Variants in TAFA4 observed in about 807,000 individuals in gnomAD.
The protein encoded by TAFA4 is TAFA chemokine like family member 4.
Under a neutral mutation model 21.1 loss-of-function variants are expected in TAFA4, and 20 were observed. That is an observed-to-expected ratio of 0.95 (90% CI 0.67 to 1.38). The LOEUF (loss-of-function observed/expected upper bound fraction) is 1.38. Among genes scored for constraint, TAFA4 ranks in the 40% most tolerant of loss-of-function variants. The pLI, the probability that TAFA4 is intolerant of heterozygous loss-of-function variation, is 0.00. For missense variants in TAFA4, 211 were observed against 180.9 expected (o/e 1.17, Z -0.95); for synonymous variants, 71 against 67.4 (o/e 1.05, Z -0.26).
chr3:68,752,909 C>T lies in TAFA4; in HGVS notation c.240G>A (p.Pro80=), dbSNP rs770818329. The change falls in exon 4 of 6, where the codon CCG becomes CCA. Residue 80 remains proline, a synonymous_variant. Coordinates refer to ENST00000295569, the MANE Select transcript of TAFA4 (RefSeq NM_182522.5). ...RSQTVKCSCF[P]GQVAGTTRAQ... ...CCCGAGTTGTGCCCGCCACCTGTCC[C>T]GGGAAGCAAGAGCACTTGACCGTTT... 1.4e-5 allele frequency: 23 copies of T among 1,614,054 alleles called. No homozygotes were observed. The highest frequency in any genetic ancestry group is 9.9e-5 in the South Asian group (9 of 91,066).
intron 3 of TAFA4, among the ~76,000 whole-genome samples, chr3:68,844,484 A>C (rs772141484): frequency 6.6e-6 from 1 of 150,784 alleles, no homozygotes; most frequent in South Asian, 2.1e-4. Flanking sequence ...TGGATTCACT[A>C]CTTTTTTGAA....
chr3:68,927,845 C>G (rs1257325678), intron 1 of TAFA4, among the ~76,000 whole-genome samples: 2 of 151,624 alleles, frequency 1.3e-5, no homozygotes, highest in Non-Finnish European at 2.9e-5. Flanking sequence ...TTGCAGAGAG[C>G]TGTGATCATA....
At chr3:68,773,103 C>G (rs1044854953) in intron 3 of TAFA4, among the ~76,000 whole-genome samples, 1 of 152,072 alleles carries the variant, frequency 6.6e-6, no homozygotes, top group Non-Finnish European at 1.5e-5. Flanking sequence ...TATAAGCAGC[C>G]GGAATTATGC....
intron 4 of TAFA4, among the ~76,000 whole-genome samples, chr3:68,744,530 C>A (rs769023961): frequency 1.1e-4 from 16 of 152,092 alleles, no homozygotes; most frequent in African/African-American, 1.4e-4. Context: ...GAATAAATTC[C>A]CTGCAGAGAA....
intron 3 of TAFA4, among the ~76,000 whole-genome samples, chr3:68,757,670 C>T (rs1702683062): frequency 1.3e-5 from 2 of 152,166 alleles, no homozygotes; most frequent in Non-Finnish European, 2.9e-5. Context: ...TAGAACTGGG[C>T]CACAGTGCCC....
intron 3 of TAFA4, among the ~76,000 whole-genome samples, chr3:68,794,863 G>T (rs151268400): frequency 6.6e-6 from 1 of 151,466 alleles, no homozygotes; most frequent in Non-Finnish European, 1.5e-5. Context: ...CATAGGAATT[G>T]CTCCCAACAA....
chr3:68,758,899 GAA>G (rs1305181607), intron 3 of TAFA4, among the ~76,000 whole-genome samples: 14 of 152,176 alleles, frequency 9.2e-5, no homozygotes, highest in African/African-American at 2.4e-5. Context: ...GAGAAAAAGA[GAA>G]GTATTTTAAG....
intron 2 of TAFA4, among the ~76,000 whole-genome samples, chr3:68,883,920 A>AGACC (rs2089644633): frequency 6.6e-6 from 1 of 152,078 alleles, no homozygotes; most frequent in South Asian, 2.1e-4. Context: ...GCAAAGAGTG[A>AGACC]GACCCTGTCT....
intron 1 of TAFA4, among the ~76,000 whole-genome samples, chr3:68,893,830 G>A (rs2089757214): frequency 6.6e-6 from 1 of 152,134 alleles, no homozygotes; most frequent in South Asian, 2.1e-4. Flanking sequence ...TGACAATGGT[G>A]CCCTCCTGTG....
chr3:68,911,026 G>A (rs1310173524), intron 1 of TAFA4, among the ~76,000 whole-genome samples: 1 of 152,188 alleles, frequency 6.6e-6, no homozygotes, highest in African/African-American at 2.4e-5. Flanking sequence ...TTCTCCAAAA[G>A]AGGGTCAAAC....
chr3:68,743,787 G>T (rs1284484494), intron 4 of TAFA4, among the ~76,000 whole-genome samples: 1 of 152,084 alleles, frequency 6.6e-6, no homozygotes, highest in Admixed American at 6.6e-5. Context: ...GTTAGTAAAG[G>T]GGTGGAGGGT....
intron 1 of TAFA4, among the ~76,000 whole-genome samples, chr3:68,905,864 G>A (rs2089895421): frequency 6.6e-6 from 1 of 152,192 alleles, no homozygotes; most frequent in South Asian, 2.1e-4. Flanking sequence ...CTCTCCTGGA[G>A]CAGGCTTCCA....
At chr3:68,900,564 C>A (rs2089835841) in intron 1 of TAFA4, among the ~76,000 whole-genome samples, 1 of 151,908 alleles carries the variant, frequency 6.6e-6, no homozygotes, top group East Asian at 1.9e-4. Context: ...AGCTAAAATC[C>A]CAAATTTTAG....
Position 68,732,889 on chromosome 3 carries a change from A to G in TAFA4, c.*253T>C. 2.0e-6 allele frequency: 1 copy of G among 491,712 alleles called. No homozygotes were observed. Among genetic ancestry groups the G allele is most frequent in the Non-Finnish European group, 3.6e-6 (1 of 276,700 alleles). The allele number at this position is 491,712 out of a possible 1,614,324, so 30.5% of individuals were successfully genotyped here. A position where few individuals can be genotyped will look rare whatever the true frequency, so the allele number is the denominator to read the frequency against. ...CTGATTTGCTCTTCTCGGATTTTGG[A>G]GGTATGCTCCTTGGGAATCCAGAGA... On this transcript the variant is annotated 3_prime_UTR_variant, in exon 6 of 6. Coordinates refer to ENST00000295569, the MANE Select transcript of TAFA4 (RefSeq NM_182522.5).
intron 3 of TAFA4, 137 bp downstream of exon 3, chr3:68,880,593 C>T (rs561915072): frequency 3.2e-5 from 21 of 648,632 alleles, no homozygotes; most frequent in Middle Eastern, 3.0e-4. Flanking sequence ...TGTGTTACTC[C>T]GCCATATTTC....
rs1703624374 is a variant in TAFA4 at position 68,803,700 on chromosome 3, A to C, written c.131-50682T>G. Among the ~76,000 whole-genome samples the C allele has an allele frequency of 2.0e-5, 3 of 151,220 alleles. No individual in the cohort carries two copies. The South Asian group carries it at 6.3e-4, about 32-fold the overall frequency. On this transcript the variant is annotated intron_variant, in intron 3 of 5. Coordinates refer to ENST00000295569, the MANE Select transcript of TAFA4 (RefSeq NM_182522.5). ...GCTTCAGTAAGTGGGAAAAAAAAAA[A>C]ACAGGGATGTGACTCATTGTCTTCC...
intron 3 of TAFA4, among the ~76,000 whole-genome samples, chr3:68,784,751 C>A (rs1703218401): frequency 1.3e-5 from 2 of 152,214 alleles, no homozygotes; most frequent in Admixed American, 1.3e-4. Flanking sequence ...TTATCTGGCC[C>A]CACCCACATC....
intron 3 of TAFA4, among the ~76,000 whole-genome samples, chr3:68,840,017 G>T (rs940431385): frequency 6.6e-6 from 1 of 152,160 alleles, no homozygotes; most frequent in Admixed American, 6.5e-5. Flanking sequence ...ACCTCCCTTG[G>T]GTTCCAGGGA....
chr3:68,888,923 G>A (rs116456278), intron 1 of TAFA4, among the ~76,000 whole-genome samples: 153 of 152,200 alleles, frequency 1.0e-3, no homozygotes, highest in African/African-American at 3.6e-3. Context: ...AGTTTTGGAA[G>A]GCACATTTAA....
Sources: gnomAD v4.1 joint callset for allele counts (sites outside exome capture counted in the v4.1 genomes callset) on GRCh38, gnomAD v4.1.1 for gene constraint, MANE v1.5 for transcripts, NCBI Gene and HGNC (gene_info 2026-07-23, HGNC 2026-07-21) for gene names.